The following TCHHL1 variants were observed in gnomAD, a reference collection of about 807,000 sequenced individuals.
The protein encoded by TCHHL1 is trichohyalin like 1.
A neutral mutation model predicts 3.5 loss-of-function variants in TCHHL1; 1 was observed. The ratio of observed to expected loss-of-function variants is 0.29; its 90% confidence interval spans 0.10 to 1.36. The LOEUF is 1.36. TCHHL1 is among the 40% of genes most tolerant of loss of function. The probability of loss-of-function intolerance (pLI) is 0.43; values close to 1 mark genes in which losing one functional copy is unlikely to be tolerated. For synonymous variants in TCHHL1, 405 were observed against 375.3 expected, an observed-to-expected ratio of 1.08 and a Z score of -0.92; for missense variants, 1,027 against 1,032.8, an observed-to-expected ratio of 0.99 and a Z score of 0.08.
intron 2 of TCHHL1, among the ~76,000 whole-genome samples, 180 bp from the exon 3 acceptor site, chr1:152,087,723 C>A (rs1456985046): frequency 6.6e-6 from 1 of 152,160 alleles, no homozygotes; most frequent in Non-Finnish European, 1.5e-5. Flanking sequence ...TGAGAAAGAG[C>A]ATTTACAACA....
chr1:152,088,287 AATATT>A (rs1239196519), intron 1 of TCHHL1, 124 bp from the exon 2 acceptor site: 1 of 789,968 alleles, frequency 1.3e-6, no homozygotes, highest in African/African-American at 1.8e-5. Flanking sequence ...TGTATCTTAA[AATATT>A]ATATCTGAAC....
rs1657688647 is a variant in TCHHL1 at position 152,084,901 on chromosome 1, A to C, written c.*66T>G. The C allele has an allele frequency of 4.9e-6, 7 of 1,443,296 alleles. No individual in the cohort carries two copies. Among genetic ancestry groups the C allele is most frequent in the African/African-American group, 2.9e-5 (2 of 70,098 alleles). The allele number at this position is 1,443,296 out of a possible 1,614,324, so 89.4% of individuals were successfully genotyped here. ...TAAAAGATTGTTAATCTGCATCTGA[A>C]TGTGTACACGTGAGTATTGAGGGTG... On this transcript the variant is annotated 3_prime_UTR_variant, in exon 3 of 3. Coordinates refer to ENST00000368806, the MANE Select transcript of TCHHL1 (RefSeq NM_001008536.2).
Position 152,085,681 on chromosome 1 carries a change from G to A in TCHHL1, c.2001C>T (p.Ser667=), listed in dbSNP as rs760045070. Residue 667 remains serine, a synonymous_variant, in exon 3 of 3, where the codon TCC becomes TCT. Transcript: ENST00000368806. ...ESTAGDENRK[S]LEIEITGALD... ...GGGCACCTGTGATCTCTATTTCCAG[G>A]GACTTTCTATTTTCATCTCCTGCTG... The A allele has an allele frequency of 6.2e-6, 10 of 1,613,970 alleles. No individual in the cohort carries two copies. Among genetic ancestry groups the A allele is most frequent in the African/African-American group, 5.3e-5 (4 of 74,884 alleles).
In TCHHL1 at chr1:152,086,659, G is replaced by A; in HGVS notation, c.1023C>T (p.Asp341=). 1.9e-6 allele frequency: 3 copies of A among 1,614,118 alleles called. No homozygotes were observed. The highest frequency in any genetic ancestry group is 2.5e-6 in the Non-Finnish European group (3 of 1,180,028). Reference sequence around the variant, plus strand: ...AATTCTTTGTTTTAGCTGGTGTCTGGTCAGCATCCTTTCCTGGTTCTTGAG... The same window carrying A: ...AATTCTTTGTTTTAGCTGGTGTCTGATCAGCATCCTTTCCTGGTTCTTGAG... ...FDTQEPGKDA[D]QTPAKTKNLG... is the part of the protein sequence containing the mutation. The change falls in exon 3 of 3, where the codon GAC becomes GAT. Residue 341 remains aspartate, a synonymous_variant. Coordinates refer to ENST00000368806, the MANE Select transcript of TCHHL1 (RefSeq NM_001008536.2).
intron 1 of TCHHL1, 24 bp from the exon 2 acceptor site, chr1:152,088,187 T>C: frequency 6.6e-7 from 1 of 1,509,898 alleles, no homozygotes; most frequent in Non-Finnish European, 8.9e-7. Flanking sequence ...TAAACAAAGC[T>C]CATTTTCCAG....
rs146785999 is a variant in TCHHL1, at chr1:152,087,094, T to A, written c.588A>T (p.Ile196=). The part of the protein sequence containing the change: ...DEQSQEVAQD[I]QTTEDNEGQL... ...GGCCTTCATTGTCTTCTGTTGTTTG[T>A]ATATCTTGAGCCACTTCCTGACTTT... Residue 196 remains isoleucine, a synonymous_variant, in exon 3 of 3, where the codon ATA becomes ATT. Coordinates refer to ENST00000368806, the MANE Select transcript of TCHHL1 (RefSeq NM_001008536.2). 354 of 1,614,208 alleles carry A rather than the reference T, an allele frequency of 2.2e-4. No homozygotes were observed. Among genetic ancestry groups the A allele is most frequent in the Non-Finnish European group, 2.8e-4 (329 of 1,180,030 alleles).
Position 152,085,974 on chromosome 1 carries a change from G to C in TCHHL1, c.1708C>G (p.Gln570Glu), listed in dbSNP as rs996143524. ...TCCCCTTGACTCTGGGAGTCCCCTT[G>C]CACAGGCAGTTCACCTGTCTCTGAG... ...SSSETGELPV[Q>E]GDSQSQGDQH... is the part of the protein sequence containing the mutation. Residue 570 changes from glutamine (Q) to glutamate (E), a missense_variant, in exon 3 of 3, where the codon CAA (glutamine) becomes GAA (glutamate). Physicochemically the swap from Gln to Glu is conservative, Grantham distance 29. Around this residue, in one of 3 missense-constraint regions of TCHHL1, gnomAD observed 673 missense variants for 658.6 expected, o/e 1.02. Transcript: ENST00000368806. The C allele has an allele frequency of 5.6e-6, 9 of 1,614,054 alleles. No homozygotes were observed. The African/African-American group carries it at 1.2e-4, about 22-fold the overall frequency.
chr1:152,088,851 A>G (rs1467361405), intron 1 of TCHHL1, among the ~76,000 whole-genome samples, 169 bp downstream of exon 1: 1 of 152,190 alleles, frequency 6.6e-6, no homozygotes, highest in East Asian at 1.9e-4. Context: ...ATGATCAAAG[A>G]AGTTCCATAA....
chr1:152,087,693 T>C, intron 2 of TCHHL1, 150 bp from the exon 3 acceptor site: 1 of 888,844 alleles, frequency 1.1e-6, no homozygotes. Flanking sequence ...GCAAGCCATT[T>C]TTCATCAGAG....
Position 152,086,911 on chromosome 1 carries a change from G to C in TCHHL1, c.771C>G (p.Asn257Lys). 1 of 1,614,134 alleles carries C rather than the reference G, an allele frequency of 6.2e-7. No individual in the cohort carries two copies. The highest frequency in any genetic ancestry group is 8.5e-7 in the Non-Finnish European group (1 of 1,180,032). The part of the protein sequence containing the change: ...IRDQFGEQEG[N>K]LATQSSPPKE... ...TTGGTGGTGAACTTTGGGTTGCCAA[G>C]TTTCCTTCCTGTTCTCCAAACTGGT... Residue 257 changes from asparagine to lysine, a missense_variant, in exon 3 of 3, where the codon AAC becomes AAG. Coordinates refer to ENST00000368806, the MANE Select transcript of TCHHL1 (RefSeq NM_001008536.2).
rs75059718 is a variant in TCHHL1 at position 152,084,941 on chromosome 1, T to C, written c.*26A>G. On this transcript the variant is annotated 3_prime_UTR_variant, in exon 3 of 3. Coordinates refer to ENST00000368806, the MANE Select transcript of TCHHL1 (RefSeq NM_001008536.2). ...TATTGAGGGTGATTGGGAGAGAAAT[T>C]GGGGGCATGTTGAGATGATAATGAT... 9.8e-4 allele frequency: 1,559 copies of C among 1,596,196 alleles called. 37 individuals are homozygous for C. In the East Asian group the frequency reaches 0.02, roughly 20 times the overall value.
chr1:152,086,889 G>C lies in TCHHL1; in HGVS notation c.793C>G (p.Pro265Ala). The C allele has an allele frequency of 6.2e-7, 1 of 1,614,064 alleles. No homozygotes were observed. Among genetic ancestry groups the C allele is most frequent in the South Asian group, 1.1e-5 (1 of 91,070 alleles). ...EGNLATQSSPPKEATQRPCED... is the reference protein window; with the variant it reads ...EGNLATQSSPAKEATQRPCED... ...CATGGTCTTTGTGTTGCTTCTTTTG[G>C]TGGTGAACTTTGGGTTGCCAAGTTT... is the stretch of plus-strand genomic sequence containing the variant. Residue 265 changes from proline to alanine, a missense_variant, in exon 3 of 3, where the codon CCA (proline) becomes GCA (alanine). By Grantham distance (27) the Pro-to-Ala change is conservative (BLOSUM62 -1). Transcript: ENST00000368806.
At position 152,086,718 on chromosome 1, in the gene TCHHL1, T is replaced by C. The variant is rs1459636194; in HGVS notation, c.964A>G (p.Thr322Ala). The C allele has an allele frequency of 7.4e-6, 12 of 1,614,226 alleles. No individual in the cohort carries two copies. The East Asian group carries it at 2.2e-4, about 30-fold the overall frequency. ...ATTCTACAGACATCCTTGGAATCAG[T>C]TGATTTCTGTGTCTGAGATGGTGAC... ...ARSPSQTQKS[T>A]DSKDVCRMFD... Residue 322 changes from threonine to alanine, a missense_variant, in exon 3 of 3, where the codon ACT becomes GCT. By Grantham distance (58) the Thr-to-Ala change is moderately conservative (BLOSUM62 0). Coordinates refer to ENST00000368806, the MANE Select transcript of TCHHL1 (RefSeq NM_001008536.2).
chr1:152,085,859 T>C lies in TCHHL1; in HGVS notation c.1823A>G (p.Glu608Gly), dbSNP rs1269547755. The C allele has an allele frequency of 1.9e-6, 3 of 1,614,202 alleles. No individual in the cohort carries two copies. Among genetic ancestry groups the C allele is most frequent in the Non-Finnish European group, 2.5e-6 (3 of 1,180,028 alleles). ...GTPGEKNRAL[E>G]AVVPAVRGED... ...TCCTCTGACTGCTGGTACCACTGCC[T>C]CCAGAGCTCTGTTTTTCTCACCAGG... Residue 608 changes from glutamate to glycine, a missense_variant, in exon 3 of 3, where the codon GAG (glutamate) becomes GGG (glycine). Glu to Gly is a moderately conservative substitution (Grantham distance 98). Around this residue, in one of 3 missense-constraint regions of TCHHL1, gnomAD observed 673 missense variants for 658.6 expected, o/e 1.02. Transcript: ENST00000368806.
At position 152,085,948 on chromosome 1, in the gene TCHHL1, G is replaced by T. The variant is rs181883123; in HGVS notation, c.1734C>A (p.Asp578Glu). 1 of 1,614,132 alleles carries T rather than the reference G, an allele frequency of 6.2e-7. No individual in the cohort carries two copies. The highest frequency in any genetic ancestry group is 1.3e-5 in the African/African-American group (1 of 75,024). Residue 578 changes from aspartate (D) to glutamate (E), a missense_variant, in exon 3 of 3, where the codon GAC becomes GAA. Around this residue, in one of 3 missense-constraint regions of TCHHL1, gnomAD observed 673 missense variants for 658.6 expected, o/e 1.02. Transcript: ENST00000368806. The stretch of plus-strand genomic sequence containing the variant: ...CTCCTTGCACAGACTCTCCATGTTG[G>T]TCCCCTTGACTCTGGGAGTCCCCTT... ...PVQGDSQSQG[D>E]QHGESVQGGH...
rs1441353003 is a variant in TCHHL1 at position 152,087,097 on chromosome 1, A to G, written c.585T>C (p.Asp195=). 5 of 1,613,698 alleles carry G rather than the reference A, an allele frequency of 3.1e-6. No individual in the cohort carries two copies. Among genetic ancestry groups the G allele is most frequent in the Non-Finnish European group, 4.2e-6 (5 of 1,179,944 alleles). The change falls in exon 3 of 3, where the codon GAT becomes GAC. Residue 195 remains aspartate, a synonymous_variant. Transcript: ENST00000368806. ...CTTCATTGTCTTCTGTTGTTTGTAT[A>G]TCTTGAGCCACTTCCTGACTTTGTT... The part of the protein sequence containing the change: ...GDEQSQEVAQ[D]IQTTEDNEGQ...
Position 152,087,208 on chromosome 1 carries a change from G to T in TCHHL1, c.474C>A (p.Asp158Glu), listed in dbSNP as rs1282354929. The change falls in exon 3 of 3, where the codon GAC (aspartate) becomes GAA (glutamate). Residue 158 changes from aspartate (D) to glutamate (E), a missense_variant. Physicochemically the swap from Asp to Glu is conservative, Grantham distance 45. This residue lies in a region of TCHHL1 where 338 missense variants were observed against 335.9 expected (regional missense o/e 1.01). Transcript: ENST00000368806. ...ESGAVGNNRV[D>E]PWREAKTHNF... ...TGTGAGTCTTGGCTTCTCTCCATGG[G>T]TCCACTCTGTTATTTCCAACTGCTC... is the stretch of plus-strand genomic sequence containing the variant. The T allele has an allele frequency of 1.9e-6, 3 of 1,613,908 alleles. No homozygotes were observed. Among genetic ancestry groups the T allele is most frequent in the Admixed American group, 3.3e-5 (2 of 59,992 alleles).
At position 152,086,482 on chromosome 1, in the gene TCHHL1, AT is replaced by A; in HGVS notation, c.1199del (p.His400LeufsTer16). 4 of 1,614,034 alleles carry A rather than the reference AT, an allele frequency of 2.5e-6. No homozygotes were observed. In the South Asian group the frequency reaches 4.4e-5, roughly 18 times the overall value. On this transcript the variant is annotated frameshift_variant, in exon 3 of 3. Coordinates refer to ENST00000368806, the MANE Select transcript of TCHHL1 (RefSeq NM_001008536.2). LOFTEE classifies it low-confidence loss of function (END_TRUNC). ...CACGTTCTTTCTGCCCTGCTGTTCC[AT>A]GGGCCTCAGGACCTCTCCTCTCTTT... Reference protein sequence around the residue: ...ERKERRGPEAHGTAGQKERDR... With the variant: ...ERKERRGPEAXGTAGQKERDR...
chr1:152,088,250 A>T, intron 1 of TCHHL1, 87 bp from the exon 2 acceptor site: 1 of 1,180,062 alleles, frequency 8.5e-7, no homozygotes, highest in Non-Finnish European at 1.2e-6. Flanking sequence ...TTCCTCCCCC[A>T]TCTCCACTGC....
Sources: allele counts gnomAD v4.1 joint callset (sites outside exome capture counted in the v4.1 genomes callset), GRCh38; gene constraint gnomAD v4.1.1; regional missense constraint gnomAD v4.1.1; transcripts MANE v1.5; gene names NCBI Gene and HGNC (gene_info 2026-07-23, HGNC 2026-07-21).